The following SYN2 variants were observed in gnomAD, a reference collection of about 807,000 sequenced individuals.
SYN2 encodes the protein synapsin II.
In SYN2, 19 loss-of-function variants were observed where a neutral mutation model predicts 50.9. The observed-to-expected ratio is 0.37, with a 90% CI of 0.26 to 0.55. The LOEUF is 0.55. SYN2 is among the 20% of genes least tolerant of loss of function. The probability of loss-of-function intolerance (pLI) is 0.81; values close to 1 mark genes in which losing one functional copy is unlikely to be tolerated. For missense variants in SYN2, 587 were observed against 576.4 expected (o/e 1.02, Z -0.19); for synonymous variants, 255 against 224.9 (o/e 1.13, Z -1.20).
intron 1 of SYN2, among the ~76,000 whole-genome samples, chr3:12,061,676 A>C (rs1603862): frequency 0.09 from 13,699 of 152,072 alleles, 2,025 homozygotes; most frequent in African/African-American, 0.31. Context: ...CTGGAACATA[A>C]ACAAGTAGAG....
At chr3:12,162,414 T>G (rs976229506) in intron 7 of SYN2, among the ~76,000 whole-genome samples, 2 of 152,214 alleles carry the variant, frequency 1.3e-5, no homozygotes, top group Non-Finnish European at 2.9e-5. Context: ...TACCTGTACA[T>G]AGGAGTTTGT....
chr3:12,069,272 T>C (rs1399276696), intron 1 of SYN2, among the ~76,000 whole-genome samples: 1 of 150,196 alleles, frequency 6.7e-6, no homozygotes, highest in Non-Finnish European at 1.5e-5. Flanking sequence ...AGACGGAGTC[T>C]CGCCCTTGCC....
intron 1 of SYN2, among the ~76,000 whole-genome samples, chr3:12,044,691 A>T (rs6442304): frequency 0.084 from 12,763 of 152,218 alleles, 1,758 homozygotes; most frequent in African/African-American, 0.29. Flanking sequence ...ATAAGTCTAC[A>T]TGGTAAGTCT....
chr3:12,160,908 G>A (rs549573661), intron 5 of SYN2, among the ~76,000 whole-genome samples: 6 of 152,340 alleles, frequency 3.9e-5, no homozygotes, highest in South Asian at 4.1e-4. Context: ...GCTCCCCTAA[G>A]GATCTCTCTG....
At chr3:12,156,859 T>G (rs1348930954) in intron 5 of SYN2, 5 of 1,614,210 alleles carry the variant, frequency 3.1e-6, no homozygotes, top group Non-Finnish European at 4.2e-6. Context: ...GCTTCTAGTT[T>G]CACACCACAG....
At chr3:12,040,620 G>A (rs767859798) in intron 1 of SYN2, among the ~76,000 whole-genome samples, 13 of 151,980 alleles carry the variant, frequency 8.6e-5, no homozygotes, top group Non-Finnish European at 1.8e-4. Flanking sequence ...TTTTAGTAGA[G>A]ACGGGGTTTC....
chr3:12,010,993 C>T (rs1693901128), intron 1 of SYN2, among the ~76,000 whole-genome samples: 2 of 152,190 alleles, frequency 1.3e-5, no homozygotes, highest in Admixed American at 1.3e-4. Context: ...GACAATGCCA[C>T]CTGATAAGCT....
intron 1 of SYN2, among the ~76,000 whole-genome samples, chr3:12,011,983 A>T (rs1221655623): frequency 6.6e-6 from 1 of 152,156 alleles, no homozygotes; most frequent in African/African-American, 2.4e-5. Flanking sequence ...CAGGTATCTG[A>T]TCTACCTTGG....
chr3:12,182,670 G>A (rs966717737), intron 10 of SYN2, among the ~76,000 whole-genome samples: 2 of 152,226 alleles, frequency 1.3e-5, no homozygotes, highest in Non-Finnish European at 2.9e-5. Flanking sequence ...CTTTCTTTAA[G>A]TCCCTCCCTT....
intron 1 of SYN2, among the ~76,000 whole-genome samples, chr3:12,097,443 A>G (rs1216730009): frequency 6.6e-6 from 1 of 152,002 alleles, no homozygotes; most frequent in Non-Finnish European, 1.5e-5. Context: ...CTTCTCTACT[A>G]AAAATACAAA....
chr3:12,035,847 T>A (rs1694487333), intron 1 of SYN2, among the ~76,000 whole-genome samples: 2 of 152,360 alleles, frequency 1.3e-5, no homozygotes, highest in African/African-American at 4.8e-5. Context: ...CCTCATTTCC[T>A]CTTTGTCTGA....
rs186016585 is a variant in SYN2, at chr3:12,180,249, T to A, written c.1309-3063T>A. Among the ~76,000 whole-genome samples, 6 of 21,296 alleles carry A rather than the reference T, an allele frequency of 2.8e-4. No individual in the cohort carries two copies. The Admixed American group carries it at 8.5e-3, about 30-fold the overall frequency. 14.0% of individuals were successfully genotyped at this position (21,296 alleles called of 152,430 possible). On this transcript the variant is annotated intron_variant, in intron 10 of 12. Coordinates refer to ENST00000621198, the MANE Select transcript of SYN2 (RefSeq NM_133625.6). ...CAGGCGTGAGCCGCACCCAGCTGGGTTTTTTTTTTTTTATGCTACTATAAG... is the reference window on the plus strand; with the variant it reads ...CAGGCGTGAGCCGCACCCAGCTGGGATTTTTTTTTTTTATGCTACTATAAG...
In SYN2 at chr3:12,074,784, A is replaced by G. The variant is rs560381934; in HGVS notation, c.378-65867A>G. ...CCCTGGAAACCTGAAACTGGGCCCA[A>G]GAGACACTAGTTGGAACTAGTGAAA... On this transcript the variant is annotated intron_variant, in intron 1 of 12. Coordinates refer to ENST00000621198, the MANE Select transcript of SYN2 (RefSeq NM_133625.6). 3.3e-5 allele frequency among the ~76,000 whole-genome samples: 5 copies of G among 152,246 alleles called. No homozygotes were observed. In the South Asian group the frequency reaches 8.3e-4, roughly 25 times the overall value.
intron 1 of SYN2, among the ~76,000 whole-genome samples, chr3:12,013,467 A>G (rs1031537262): frequency 1.1e-4 from 16 of 151,926 alleles, no homozygotes; most frequent in Non-Finnish European, 1.8e-4. Flanking sequence ...TTCCCTAATC[A>G]TTACCTTTAG....
chr3:12,004,864 C>T lies in SYN2; in HGVS notation c.313C>T (p.Pro105Ser), dbSNP rs2923857. Reference sequence around the variant, plus strand: ...GGCTGGCCTGGTGGACGCGCCCGCTCCCGCGCCCGCAGCCGCCAGGAAGGC... The same window carrying T: ...GGCTGGCCTGGTGGACGCGCCCGCTTCCGCGCCCGCAGCCGCCAGGAAGGC... ...ASAGLVDAPA[P>S]APAAARKAKV... Residue 105 changes from proline (P) to serine (S), a missense_variant, in exon 1 of 13, where the codon CCC becomes TCC. By Grantham distance (74) the Pro-to-Ser change is moderately conservative (BLOSUM62 -1). Transcript: ENST00000621198. 1.8e-6 allele frequency: 1 copy of T among 564,600 alleles called. No homozygotes were observed. Among genetic ancestry groups the T allele is most frequent in the South Asian group, 2.1e-5 (1 of 48,292 alleles). The allele number at this position is 564,600 out of a possible 1,614,324, so 35.0% of individuals were successfully genotyped here.
intron 1 of SYN2, among the ~76,000 whole-genome samples, chr3:12,019,295 T>TA (rs1694081272): frequency 6.6e-6 from 1 of 152,206 alleles, no homozygotes; most frequent in South Asian, 2.1e-4. Flanking sequence ...CCCTATTTCC[T>TA]AGCCCTTAGT....
chr3:12,011,079 A>G (rs1434021106), intron 1 of SYN2, among the ~76,000 whole-genome samples: 1 of 152,170 alleles, frequency 6.6e-6, no homozygotes, highest in African/African-American at 2.4e-5. Context: ...ACCAAGATAC[A>G]ACTCTGTCTT....
chr3:12,141,754 C>T (rs1263920499), intron 2 of SYN2, 151 bp from the exon 3 acceptor site: 10 of 605,650 alleles, frequency 1.7e-5, no homozygotes, highest in Non-Finnish European at 3.0e-5. Flanking sequence ...ACCTTCATCA[C>T]AGTGTTGCTA....
At chr3:12,144,925 G>C (rs1174847398) in intron 3 of SYN2, among the ~76,000 whole-genome samples, 1 of 152,144 alleles carries the variant, frequency 6.6e-6, no homozygotes, top group Non-Finnish European at 1.5e-5. Context: ...CAGCTACTTA[G>C]GAGGCTGAGG....
Sources: gnomAD v4.1 joint callset for allele counts (sites outside exome capture counted in the v4.1 genomes callset) on GRCh38, gnomAD v4.1.1 for gene constraint, MANE v1.5 for transcripts, NCBI Gene and HGNC (gene_info 2026-07-23, HGNC 2026-07-21) for gene names.